Variants in MERTK observed in about 807,000 individuals in gnomAD.
The protein encoded by MERTK is tyrosine-protein kinase Mer.
In MERTK, 69 loss-of-function variants were observed where a neutral mutation model predicts 99.3. That is an observed-to-expected ratio of 0.70 (90% CI 0.57 to 0.85). MERTK has a LOEUF of 0.85. Among genes scored for constraint, MERTK ranks in the 40% least tolerant of loss-of-function variants. MERTK has a pLI of 0.00. For missense variants in MERTK, 1,125 were observed against 1,249.4 expected (o/e 0.90, Z 1.50); for synonymous variants, 426 against 467.6 (o/e 0.91, Z 1.15).
At chr2:111,922,812 C>A (rs138340120) in intron 1 of MERTK, among the ~76,000 whole-genome samples, 1 of 152,336 alleles carries the variant, frequency 6.6e-6, no homozygotes, top group African/African-American at 2.4e-5. Context: ...AGCAGCACTG[C>A]CCACCAGCCC....
At chr2:111,923,724 T>G (rs1187762003) in intron 1 of MERTK, among the ~76,000 whole-genome samples, 2 of 152,162 alleles carry the variant, frequency 1.3e-5, no homozygotes, top group African/African-American at 4.8e-5. Context: ...TTGCATTAAG[T>G]CTTTGATGTG....
Position 111,933,242 on chromosome 2 carries a change from GATTTGCAT to G in MERTK, c.482+3704_482+3711del, listed in dbSNP as rs561056379. ...CTAGTCTTACTTAAACAGGGAGCCT[GATTTGCAT>G]ACCTGCAGTGACCTCTCTTCTCACA... On this transcript the variant is annotated intron_variant, in intron 2 of 18. Coordinates refer to ENST00000295408, the MANE Select transcript of MERTK (RefSeq NM_006343.3). 5.9e-5 allele frequency among the ~76,000 whole-genome samples: 9 copies of G among 152,312 alleles called. No homozygotes were observed. In the East Asian group the frequency reaches 1.3e-3, roughly 23 times the overall value.
intron 1 of MERTK, among the ~76,000 whole-genome samples, chr2:111,917,085 G>T (rs1354956214): frequency 6.6e-6 from 1 of 152,188 alleles, no homozygotes; most frequent in Non-Finnish European, 1.5e-5. Flanking sequence ...GGGGAAGGAT[G>T]GCCTCCTTTC....
At chr2:112,025,372 A>G (rs1433116069) in intron 18 of MERTK, among the ~76,000 whole-genome samples, 1 of 152,140 alleles carries the variant, frequency 6.6e-6, no homozygotes, top group Non-Finnish European at 1.5e-5. Flanking sequence ...TGACCAGCCT[A>G]GCATTGCCCT....
At chr2:111,925,030 A>C (rs907517163) in intron 1 of MERTK, among the ~76,000 whole-genome samples, 9 of 151,832 alleles carry the variant, frequency 5.9e-5, no homozygotes, top group Non-Finnish European at 1.2e-4. Context: ...GGTGCTAACT[A>C]TAGGAGGTTA....
chr2:112,008,191 G>C (rs1265272001), intron 13 of MERTK, among the ~76,000 whole-genome samples, 192 bp from the exon 14 acceptor site: 2 of 151,992 alleles, frequency 1.3e-5, no homozygotes, highest in African/African-American at 4.8e-5. Flanking sequence ...AAAGTCCCCT[G>C]TGCTTTGCCT....
intron 8 of MERTK, among the ~76,000 whole-genome samples, chr2:111,983,674 C>T (rs1401073160): frequency 6.6e-6 from 1 of 152,244 alleles, no homozygotes; most frequent in Non-Finnish European, 1.5e-5. Flanking sequence ...GATTGTGCAC[C>T]TGAGGGTACT....
rs572128682 is a variant in MERTK, at chr2:111,924,213, C to T, written c.62-4907C>T. Among the ~76,000 whole-genome samples the T allele has an allele frequency of 2.0e-5, 3 of 152,288 alleles. No individual in the cohort carries two copies. In the East Asian group the frequency reaches 5.8e-4, roughly 29 times the overall value. ...AATGAGAAAATAATTAAAATAATAG[C>T]TAACATTGAGTGCTTACTGTGATCC... On this transcript the variant is annotated intron_variant, in intron 1 of 18. Transcript: ENST00000295408.
intron 1 of MERTK, among the ~76,000 whole-genome samples, chr2:111,912,549 T>C (rs1684270746): frequency 6.6e-6 from 1 of 152,156 alleles, no homozygotes; most frequent in Admixed American, 6.5e-5. Context: ...GTGGAAACAC[T>C]GAGTTGTAGG....
At position 112,011,862 on chromosome 2, in the gene MERTK, G is replaced by A. The variant is rs189478788; in HGVS notation, c.2079+1796G>A. ...GGACACTGGAGGGAACATGACAGAT[G>A]TGGTTCCTGCCCCATGGAGCTGAGC... On this transcript the variant is annotated intron_variant, in intron 15 of 18. Coordinates refer to ENST00000295408, the MANE Select transcript of MERTK (RefSeq NM_006343.3). Among the ~76,000 whole-genome samples the A allele has an allele frequency of 7.0e-4, 107 of 152,366 alleles. 1 individual carries two copies. The Middle Eastern group carries it at 0.017, about 24-fold the overall frequency.
intron 17 of MERTK, 74 bp from the exon 18 acceptor site, chr2:112,022,184 C>T (rs1677365439): frequency 1.3e-6 from 2 of 1,599,340 alleles, no homozygotes; most frequent in African/African-American, 1.3e-5. Context: ...AGGAAATGAC[C>T]TTTCCCAGTG....
At chr2:111,985,350 A>G (rs1157740399) in intron 8 of MERTK, among the ~76,000 whole-genome samples, 1 of 152,132 alleles carries the variant, frequency 6.6e-6, no homozygotes, top group Non-Finnish European at 1.5e-5. Flanking sequence ...CACCTGGGAA[A>G]GGAAGAGAGT....
intron 4 of MERTK, among the ~76,000 whole-genome samples, chr2:111,964,051 T>TTTTTTTTTTTTTTTTTTTTTTC (rs1408090187): frequency 6.7e-6 from 1 of 148,510 alleles, no homozygotes; most frequent in Non-Finnish European, 1.5e-5. Context: ...TTCTTTTTTT[T>TTTTTTTTTTTTTTTTTTTTTTC]TTTTGCTCTT....
chr2:111,961,305 C>T (rs71414617), intron 4 of MERTK, among the ~76,000 whole-genome samples: 10,728 of 151,034 alleles, frequency 0.071, 490 homozygotes, highest in Middle Eastern at 0.15. Context: ...GGACTACAGG[C>T]GCCCGCCACA....
At chr2:111,956,988 C>T (rs1199021524) in intron 4 of MERTK, among the ~76,000 whole-genome samples, 3 of 145,548 alleles carry the variant, frequency 2.1e-5, no homozygotes, top group African/African-American at 7.7e-5. Flanking sequence ...AGTGCAGTGG[C>T]GTGATCTCAG....
chr2:112,016,696 G>A (rs571065690), intron 15 of MERTK, among the ~76,000 whole-genome samples: 2 of 152,356 alleles, frequency 1.3e-5, no homozygotes, highest in Admixed American at 1.3e-4. Flanking sequence ...TAGTACAAAG[G>A]GAGATAGGCT....
rs900815046 is a variant in MERTK at position 111,927,060 on chromosome 2, C to T, written c.62-2060C>T. On this transcript the variant is annotated intron_variant, in intron 1 of 18. Coordinates refer to ENST00000295408, the MANE Select transcript of MERTK (RefSeq NM_006343.3). The stretch of plus-strand genomic sequence containing the variant: ...CCAGCCCACAGCTGACCCACATAGC[C>T]CTCCCCTAAAGCACACAGAAGGCCC... Among the ~76,000 whole-genome samples, 5 of 152,206 alleles carry T rather than the reference C, an allele frequency of 3.3e-5. No homozygotes were observed. In the East Asian group the frequency reaches 7.7e-4, roughly 23 times the overall value.
At chr2:111,926,025 G>GT (rs1684561227) in intron 1 of MERTK, among the ~76,000 whole-genome samples, 1 of 151,662 alleles carries the variant, frequency 6.6e-6, no homozygotes, top group Admixed American at 6.6e-5. Flanking sequence ...TAGAGATGGG[G>GT]TTTCACCGTG....
In MERTK at chr2:111,898,696, C is replaced by G; in HGVS notation, c.-40C>G. ...GGACAGGTTCGGGACGTCCATCTGTCCATCCGTCCGGAGAGAAATTACAGA... is the reference window on the plus strand; with the variant it reads ...GGACAGGTTCGGGACGTCCATCTGTGCATCCGTCCGGAGAGAAATTACAGA... On this transcript the variant is annotated 5_prime_UTR_variant, in exon 1 of 19. Coordinates refer to ENST00000295408, the MANE Select transcript of MERTK (RefSeq NM_006343.3). The G allele has an allele frequency of 6.3e-7, 1 of 1,593,670 alleles. No individual in the cohort carries two copies.
Sources: allele counts gnomAD v4.1 joint callset (sites outside exome capture counted in the v4.1 genomes callset), GRCh38; gene constraint gnomAD v4.1.1; transcripts MANE v1.5; gene names NCBI Gene and HGNC (gene_info 2026-07-23, HGNC 2026-07-21).